The following CEACAM1 variants were observed in gnomAD, a reference collection of about 807,000 sequenced individuals.
CEACAM1 encodes CEA cell adhesion molecule 1, also known as cell adhesion molecule CEACAM1.
Under a neutral mutation model 49.1 loss-of-function variants are expected in CEACAM1, and 31 were observed. The observed-to-expected ratio is 0.63, with a 90% confidence interval of 0.47 to 0.85. The LOEUF (loss-of-function observed/expected upper bound fraction) is 0.85. CEACAM1 is among the 40% of genes least tolerant of loss of function. CEACAM1 has a pLI of 0.00. For missense variants in CEACAM1, 570 were observed against 645.3 expected (o/e 0.88, Z 1.26); for synonymous variants, 244 against 247.8 (o/e 0.98, Z 0.14).
Position 42,521,314 on chromosome 19 carries a change from G to A in CEACAM1, c.911C>T (p.Ser304Leu). ...SGSYTCHANNSVTGCNRTTVK... is the reference protein window; with the variant it reads ...SGSYTCHANNLVTGCNRTTVK... ...TGTGGTCCTGTTGCAGCCAGTGACT[G>A]AGTTATTGGCGTGGCAGGTATAGGA... is the stretch of plus-strand genomic sequence containing the variant. The change falls in exon 4 of 9, where the codon TCA (serine) becomes TTA (leucine). Residue 304 changes from serine (S) to leucine (L), a missense_variant. Ser to Leu is a moderately radical substitution (Grantham distance 145). Transcript: ENST00000161559. 7 of 1,614,170 alleles carry A rather than the reference G, an allele frequency of 4.3e-6. No homozygotes were observed. Among genetic ancestry groups the A allele is most frequent in the Non-Finnish European group, 5.9e-6 (7 of 1,179,974 alleles).
rs1300185421 is a variant in CEACAM1 at position 42,508,721 on chromosome 19, C to CA, written c.*387dup. 1 of 186,644 alleles carries CA rather than the reference C, an allele frequency of 5.4e-6. No individual in the cohort carries two copies. Among genetic ancestry groups the CA allele is most frequent in the Non-Finnish European group, 1.1e-5 (1 of 88,856 alleles). The allele number at this position is 186,644 out of a possible 1,614,324, so 11.6% of individuals were successfully genotyped here. A position where few individuals can be genotyped will look rare whatever the true frequency, so the allele number is the denominator to read the frequency against. On this transcript the variant is annotated 3_prime_UTR_variant, in exon 9 of 9. Transcript: ENST00000161559. ...TACTTAATGGAAAAGGACATAACCT[C>CA]AAGGCTATGGCAAATCCGAATTAGA...
In CEACAM1 at chr19:42,527,091, A is replaced by T. The variant is rs1282200783; in HGVS notation, c.374T>A (p.Ile125Lys). The T allele has an allele frequency of 6.2e-7, 1 of 1,613,096 alleles. No individual in the cohort carries two copies. The highest frequency in any genetic ancestry group is 8.5e-7 in the Non-Finnish European group (1 of 1,179,558). The stretch of plus-strand genomic sequence containing the variant: ...TTCTTCATTCACAAGATCTGACTTT[A>T]TGACTTGTAGGGTGTAGAATCCTGT... ...NDTGFYTLQVIKSDLVNEEAT... is the reference protein window; with the variant it reads ...NDTGFYTLQVKKSDLVNEEAT... Residue 125 changes from isoleucine (I) to lysine (K), a missense_variant, in exon 2 of 9, where the codon ATA becomes AAA. Transcript: ENST00000161559.
At position 42,521,989 on chromosome 19, in the gene CEACAM1, T is replaced by C. The variant is rs550395240; in HGVS notation, c.638A>G (p.Tyr213Cys). ...CACTGGGTTCTGTATTTCACACTCA[T>C]AGGGTCCTGTGTCATTCCTTGTGAC... ...LSVTRNDTGPYECEIQNPVSA... is the reference protein window; with the variant it reads ...LSVTRNDTGPCECEIQNPVSA... The change falls in exon 3 of 9, where the codon TAT becomes TGT. Residue 213 changes from tyrosine to cysteine, a missense_variant. Transcript: ENST00000161559. 1 of 1,614,238 alleles carries C rather than the reference T, an allele frequency of 6.2e-7. No homozygotes were observed. Among genetic ancestry groups the C allele is most frequent in the South Asian group, 1.1e-5 (1 of 91,088 alleles).
chr19:42,521,483 AG>A lies in CEACAM1; in HGVS notation c.741del (p.Tyr248IlefsTer44). On this transcript the variant is annotated frameshift_variant, in exon 4 of 9. Coordinates refer to ENST00000161559, the MANE Select transcript of CEACAM1 (RefSeq NM_001712.5). LOFTEE classifies it high-confidence loss of function. The stretch of plus-strand genomic sequence containing the variant: ...CTGAGGTTTGCCCCTGGACGGTAAT[AG>A]GTGTCTGAAGGGGAAATGGTGGGGG... ...PDTPTISPSD[T>X]YYRPGANLSL... The A allele has an allele frequency of 6.2e-7, 1 of 1,614,160 alleles. No homozygotes were observed. Among genetic ancestry groups the A allele is most frequent in the Non-Finnish European group, 8.5e-7 (1 of 1,180,018 alleles).
chr19:42,510,837 C>G, intron 8 of CEACAM1, 52 bp downstream of exon 8: 3 of 1,522,756 alleles, frequency 2.0e-6, no homozygotes, highest in Non-Finnish European at 2.7e-6. Flanking sequence ...ATCAATTCTA[C>G]ACAGAATCAT....
rs869304469 is a variant in CEACAM1, at chr19:42,513,958, C to CTT, written c.1247-1481_1247-1480dup. On this transcript the variant is annotated intron_variant, in intron 5 of 8. Coordinates refer to ENST00000161559, the MANE Select transcript of CEACAM1 (RefSeq NM_001712.5). ...CCTTTTGCATCTATTTCTTCTTCTT[C>CTT]TTTTTTTTTTTTTTTTTTTTTGAGG... is the stretch of plus-strand genomic sequence containing the variant. Among the ~76,000 whole-genome samples, 343 of 86,858 alleles carry CTT rather than the reference C, an allele frequency of 3.9e-3. 24 individuals are homozygous for CTT. The highest frequency in any genetic ancestry group is 0.015 in the African/African-American group (282 of 18,890). 57.0% of individuals were successfully genotyped at this position (86,858 alleles called of 152,430 possible). A position where few individuals can be genotyped will look rare whatever the true frequency, so the allele number is the denominator to read the frequency against.
At chr19:42,509,897 G>GA (rs2041414796) in intron 8 of CEACAM1, among the ~76,000 whole-genome samples, 1 of 152,162 alleles carries the variant, frequency 6.6e-6, no homozygotes, top group Non-Finnish European at 1.5e-5. Context: ...AGAGTGCTGG[G>GA]ATTACAGGTG....
chr19:42,507,484 C>A lies in CEACAM1; in HGVS notation c.*1625G>T, dbSNP rs1332408595. 1.3e-5 allele frequency: 2 copies of A among 152,112 alleles called. No homozygotes were observed. Among genetic ancestry groups the A allele is most frequent in the African/African-American group, 4.8e-5 (2 of 41,416 alleles). 9.4% of individuals were successfully genotyped at this position (152,112 alleles called of 1,614,324 possible). On this transcript the variant is annotated 3_prime_UTR_variant, in exon 9 of 9. Coordinates refer to ENST00000161559, the MANE Select transcript of CEACAM1 (RefSeq NM_001712.5). ...AGAGGTACCTGAGTATAGAGAACTC[C>A]AAGCTAATCCTCCTGGAGAAAGCCT...
In CEACAM1 at chr19:42,514,126, T is replaced by C. The variant is rs189209033; in HGVS notation, c.1247-1647A>G. Among the ~76,000 whole-genome samples, 3 of 144,164 alleles carry C rather than the reference T, an allele frequency of 2.1e-5. No individual in the cohort carries two copies. The East Asian group carries it at 5.9e-4, about 28-fold the overall frequency. The allele number at this position is 144,164 out of a possible 152,430, so 94.6% of individuals were successfully genotyped here. A position where few individuals can be genotyped will look rare whatever the true frequency, so the allele number is the denominator to read the frequency against. On this transcript the variant is annotated intron_variant, in intron 5 of 8. Transcript: ENST00000161559. ...ACATGCCACCACACCTGGCTAATTT[T>C]TTTCTTTCTTTTTTTTTTTTTTGAG...
In CEACAM1 at chr19:42,522,075, G is replaced by T. The variant is rs748179667; in HGVS notation, c.552C>A (p.Ser184Arg). The T allele has an allele frequency of 2.5e-6, 4 of 1,613,426 alleles. No individual in the cohort carries two copies. Among genetic ancestry groups the T allele is most frequent in the Admixed American group, 3.3e-5 (2 of 60,006 alleles). Residue 184 changes from serine to arginine, a missense_variant, in exon 3 of 9, where the codon AGC (serine) becomes AGA (arginine). Physicochemically the swap from Ser to Arg is moderately radical, Grantham distance 110. Coordinates refer to ENST00000161559, the MANE Select transcript of CEACAM1 (RefSeq NM_001712.5). ...GCTGCAGCCTGGGACTGACCGGGAGGCTCTGATTGTTTATCCACCACAGGT... is the reference window on the plus strand; with the variant it reads ...GCTGCAGCCTGGGACTGACCGGGAGTCTCTGATTGTTTATCCACCACAGGT... The part of the protein sequence containing the change: ...TTYLWWINNQ[S>R]LPVSPRLQLS...
intron 1 of CEACAM1, chr19:42,527,865 G>A (rs1004679049): frequency 1.5e-5 from 3 of 202,922 alleles, no homozygotes; most frequent in Non-Finnish European, 3.0e-5. Flanking sequence ...AGGGATTTGT[G>A]TGATGTTGGT....
chr19:42,521,098 A>C, intron 4 of CEACAM1, 169 bp downstream of exon 4: 1 of 747,050 alleles, frequency 1.3e-6, no homozygotes, highest in Non-Finnish European at 2.2e-6. Context: ...TCAGAAAAAC[A>C]AAGGGAAGAG....
At chr19:42,517,973 T>C (rs2041639920) in intron 5 of CEACAM1, among the ~76,000 whole-genome samples, 1 of 152,010 alleles carries the variant, frequency 6.6e-6, no homozygotes, top group East Asian at 1.9e-4. Context: ...GTGATGTATC[T>C]ATCTACACAG....
chr19:42,514,936 G>A, intron 5 of CEACAM1: 1 of 606,660 alleles, frequency 1.6e-6, no homozygotes, highest in Admixed American at 2.8e-5. Flanking sequence ...CTCTGTGTGT[G>A]GTGTTTTGCT....
intron 2 of CEACAM1, chr19:42,525,870 T>C (rs2041877800): frequency 6.6e-6 from 1 of 152,208 alleles, no homozygotes; most frequent in South Asian, 2.1e-4. Context: ...TTTTGGCTTA[T>C]CTTGTGGTCT....
chr19:42,512,461 T>C lies in CEACAM1; in HGVS notation c.1265A>G (p.Glu422Gly), dbSNP rs939336119. 33 of 1,613,968 alleles carry C rather than the reference T, an allele frequency of 2.0e-5. No homozygotes were observed. Among genetic ancestry groups the C allele is most frequent in the Non-Finnish European group, 2.7e-5 (32 of 1,179,920 alleles). The change falls in exon 6 of 9, where the codon GAA (glutamate) becomes GGA (glycine). Residue 422 changes from glutamate (E) to glycine (G), a missense_variant. By Grantham distance (98) the Glu-to-Gly change is moderately conservative. Transcript: ENST00000161559. Reference protein sequence around the residue: ...LNVNYNALPQENGLSPGAIAG... With the variant: ...LNVNYNALPQGNGLSPGAIAG... ...AATGGCCCCAGGTGAGAGGCCATTTTCTTGTGGTAGAGCATTATCTGTCAT... is the reference window on the plus strand; with the variant it reads ...AATGGCCCCAGGTGAGAGGCCATTTCCTTGTGGTAGAGCATTATCTGTCAT...
intron 7 of CEACAM1, chr19:42,511,144 T>G: frequency 1.7e-6 from 1 of 593,532 alleles, no homozygotes; most frequent in Non-Finnish European, 3.0e-6. Context: ...TTCTACCAGT[T>G]CACAAGGCCT....
chr19:42,519,105 G>T lies in CEACAM1; in HGVS notation c.1089C>A (p.Asn363Lys), dbSNP rs2041675103. The change falls in exon 5 of 9, where the codon AAC becomes AAA. Residue 363 changes from asparagine (N) to lysine (K), a missense_variant. Transcript: ENST00000161559. Reference sequence around the variant, plus strand: ...TCCTCTCCGAGGACGGGAGACTCTGGTTTTTGAAGAACCAACGGATGGAGA... The same window carrying T: ...TCCTCTCCGAGGACGGGAGACTCTGTTTTTTGAAGAACCAACGGATGGAGA... The part of the protein sequence containing the change: ...TGISIRWFFK[N>K]QSLPSSERMK... The T allele has an allele frequency of 1.2e-6, 2 of 1,614,062 alleles. No individual in the cohort carries two copies. Among genetic ancestry groups the T allele is most frequent in the Admixed American group, 3.3e-5 (2 of 60,000 alleles).
intron 2 of CEACAM1, among the ~76,000 whole-genome samples, chr19:42,525,158 C>T (rs1226396153): frequency 6.6e-6 from 1 of 151,096 alleles, no homozygotes; most frequent in Non-Finnish European, 1.5e-5. Context: ...GACACCAACA[C>T]ATCAGGAAAC....
Sources: allele counts gnomAD v4.1 joint callset (sites outside exome capture counted in the v4.1 genomes callset), GRCh38; gene constraint gnomAD v4.1.1; transcripts MANE v1.5; gene names NCBI Gene and HGNC (gene_info 2026-07-23, HGNC 2026-07-21).